Variants in C14orf39 observed in about 807,000 individuals in gnomAD.
C14orf39 encodes the protein protein SIX6OS1.
Under a neutral mutation model 85.6 loss-of-function variants are expected in C14orf39, and 66 were observed. The observed-to-expected ratio is 0.77, with a 90% CI of 0.63 to 0.95. The LOEUF is 0.95. C14orf39 is among the 40% of genes least tolerant of loss of function. The probability of loss-of-function intolerance (pLI) is 0.00; values close to 1 mark genes in which losing one functional copy is unlikely to be tolerated. For synonymous variants in C14orf39, 242 were observed against 214.0 expected (o/e 1.13, Z -1.14); for missense variants, 735 against 663.9 (o/e 1.11, Z -1.18).
At chr14:60,441,814 C>G (rs1890528292) in intron 17 of C14orf39, among the ~76,000 whole-genome samples, 1 of 151,968 alleles carries the variant, frequency 6.6e-6, no homozygotes, top group South Asian at 2.1e-4. Flanking sequence ...TGCAAAGAGT[C>G]TTAATATGAT....
intron 4 of C14orf39, among the ~76,000 whole-genome samples, chr14:60,480,902 G>T (rs2140153582): frequency 6.6e-6 from 1 of 152,254 alleles, no homozygotes; most frequent in South Asian, 2.1e-4. Context: ...ATCTAAAAAA[G>T]TCAATCTCAT....
At chr14:60,486,653 T>A (rs1001687269), upstream of C14orf39, among the ~76,000 whole-genome samples, 5 of 152,188 alleles carry the variant, frequency 3.3e-5, no homozygotes, top group Admixed American at 1.3e-4. Flanking sequence ...ATTAAGCAGT[T>A]CAGTCCTCCA....
At chr14:60,501,854 T>A (rs562242511) in intron 1 of C14orf39, among the ~76,000 whole-genome samples, 2 of 152,298 alleles carry the variant, frequency 1.3e-5, no homozygotes, top group South Asian at 4.1e-4. Context: ...AATTGATATA[T>A]TAAGTGGATA....
chr14:60,447,037 A>T (rs1389660095), intron 16 of C14orf39, among the ~76,000 whole-genome samples: 1 of 152,330 alleles, frequency 6.6e-6, no homozygotes, highest in East Asian at 1.9e-4. Context: ...CTAGGTATTG[A>T]TGGAACGTAT....
intron 17 of C14orf39, among the ~76,000 whole-genome samples, chr14:60,438,440 T>C (rs1281817263): frequency 1.3e-5 from 2 of 152,162 alleles, no homozygotes; most frequent in Admixed American, 6.5e-5. Flanking sequence ...TTTGAATAAA[T>C]GAATTTGATT....
chr14:60,436,890 A>G lies in C14orf39; in HGVS notation c.1719T>C (p.Gly573=), dbSNP rs924838480. ...TTGTATTTTGTGAGGAAGATGAAAA[A>G]CCTTTTAAAGAAGAAGAAGGTATTG... ...QNSIPSSSLK[G]FSSSSQNTTQ... Residue 573 remains glycine, a synonymous_variant, in exon 18 of 18, where the codon GGT becomes GGC. Transcript: ENST00000321731. The G allele has an allele frequency of 4.3e-6, 7 of 1,612,290 alleles. 1 individual carries two copies. Among genetic ancestry groups the G allele is most frequent in the Non-Finnish European group, 5.9e-6 (7 of 1,178,922 alleles).
intron 5 of C14orf39, 52 bp downstream of exon 5, chr14:60,478,248 G>A (rs1260555010): frequency 1.1e-5 from 8 of 754,446 alleles, no homozygotes; most frequent in East Asian, 7.0e-5. Context: ...TACACACCAT[G>A]TCCTAATAAT....
At chr14:60,473,452 T>C (rs1892205143) in intron 5 of C14orf39, among the ~76,000 whole-genome samples, 1 of 152,232 alleles carries the variant, frequency 6.6e-6, no homozygotes, top group South Asian at 2.1e-4. Context: ...CCATTGCTTT[T>C]GGTGTTTTAG....
intron 1 of C14orf39, among the ~76,000 whole-genome samples, chr14:60,506,008 C>G (rs1176020055): frequency 6.6e-6 from 1 of 152,186 alleles, no homozygotes; most frequent in Non-Finnish European, 1.5e-5. Context: ...AAATCCAGCA[C>G]GAAACAGTTA....
chr14:60,493,783 GAAAA>G (rs1012436026), intron 2 of C14orf39: 1 of 151,824 alleles, frequency 6.6e-6, no homozygotes, highest in Non-Finnish European at 1.5e-5. Flanking sequence ...TTAAGAAAAT[GAAAA>G]AAAAGAAAGA....
chr14:60,505,195 A>G (rs547750951), intron 1 of C14orf39, among the ~76,000 whole-genome samples: 1 of 152,334 alleles, frequency 6.6e-6, no homozygotes, highest in South Asian at 2.1e-4. Flanking sequence ...TCTTTGTTAC[A>G]AGGTGCACAA....
upstream of C14orf39, among the ~76,000 whole-genome samples, chr14:60,486,721 CAAT>C (rs1892901700): frequency 6.6e-6 from 1 of 152,182 alleles, no homozygotes; most frequent in Non-Finnish European, 1.5e-5. Context: ...TAAATGATCA[CAAT>C]AATTGTCTCA....
rs565523733 is a variant in C14orf39 at position 60,480,371 on chromosome 14, G to A, written c.234-1982C>T. ...CAGGAGGTGGAGGGAGGAGGTCGCA[G>A]TGAGTGAGATCGCGCCATTGCACTC... is the stretch of plus-strand genomic sequence containing the variant. On this transcript the variant is annotated intron_variant, in intron 4 of 17. Transcript: ENST00000321731. 1.4e-3 allele frequency among the ~76,000 whole-genome samples: 213 copies of A among 152,290 alleles called. 1 individual carries two copies. The Middle Eastern group carries it at 0.027, about 20-fold the overall frequency.
chr14:60,469,269 T>C (rs1484105198), intron 8 of C14orf39, among the ~76,000 whole-genome samples: 2 of 149,266 alleles, frequency 1.3e-5, no homozygotes, highest in Non-Finnish European at 3.0e-5. Context: ...AGCTAAACTA[T>C]TCCCCAAAAT....
intron 17 of C14orf39, among the ~76,000 whole-genome samples, chr14:60,439,268 C>G (rs550771277): frequency 6.6e-6 from 1 of 152,072 alleles, no homozygotes; most frequent in African/African-American, 2.4e-5. Context: ...GGGGGAGTCA[C>G]TGAAGGTAAC....
rs989493633 is a variant in C14orf39 at position 60,476,536 on chromosome 14, G to A, written c.323+1764C>T. On this transcript the variant is annotated intron_variant, in intron 5 of 17. Transcript: ENST00000321731. ...GGTATTGAAGCATCAATTCAATTAA[G>A]CTATGTAGCTGGTTTAAGAAAGAAA... Among the ~76,000 whole-genome samples, 4 of 152,270 alleles carry A rather than the reference G, an allele frequency of 2.6e-5. No homozygotes were observed. In the East Asian group the frequency reaches 7.7e-4, roughly 29 times the overall value.
chr14:60,448,336 C>A (rs1890875418), intron 16 of C14orf39, among the ~76,000 whole-genome samples: 1 of 151,854 alleles, frequency 6.6e-6, no homozygotes, highest in Non-Finnish European at 1.5e-5. Flanking sequence ...AGAACTTAAA[C>A]AAATTTATAA....
At chr14:60,446,708 C>A (rs1298775917) in intron 16 of C14orf39, among the ~76,000 whole-genome samples, 2 of 152,190 alleles carry the variant, frequency 1.3e-5, no homozygotes, top group Non-Finnish European at 2.9e-5. Context: ...ATGAGGCCAG[C>A]ATCATCTTGA....
chr14:60,437,799 A>G (rs1205279833), intron 17 of C14orf39, among the ~76,000 whole-genome samples: 1 of 152,046 alleles, frequency 6.6e-6, no homozygotes, highest in African/African-American at 2.4e-5. Context: ...TATACTGCTC[A>G]TGGCATTGTT....
Sources: gnomAD v4.1 joint callset for allele counts (sites outside exome capture counted in the v4.1 genomes callset) on GRCh38, gnomAD v4.1.1 for gene constraint, MANE v1.5 for transcripts, NCBI Gene and HGNC (gene_info 2026-07-23, HGNC 2026-07-21) for gene names.